The following HS6ST1 variants were observed in gnomAD, a reference collection of about 807,000 sequenced individuals.
The protein encoded by HS6ST1 is heparan sulfate 6-O-sulfotransferase 1.
Under a neutral mutation model 25.2 loss-of-function variants are expected in HS6ST1, and 3 were observed. The ratio of observed to expected loss-of-function variants is 0.12; its 90% confidence interval spans 0.05 to 0.31. HS6ST1 has a LOEUF of 0.31. HS6ST1 is among the 10% of genes least tolerant of loss of function. The pLI is 1.00. For missense variants in HS6ST1, 310 were observed against 609.6 expected (o/e 0.51, Z 5.18); for synonymous variants, 204 against 275.1 (o/e 0.74, Z 2.56).
At chr2:128,290,180 T>C (rs1693930930) in intron 1 of HS6ST1, 3 of 152,172 alleles carry the variant, frequency 2.0e-5, no homozygotes, top group East Asian at 1.9e-4. Flanking sequence ...TTTACTACCA[T>C]TTCAACGACT....
At chr2:128,293,670 G>A (rs562999117) in intron 1 of HS6ST1, among the ~76,000 whole-genome samples, 1 of 152,314 alleles carries the variant, frequency 6.6e-6, no homozygotes, top group Admixed American at 6.5e-5. Context: ...ATTCTTTGGG[G>A]CCCACGGGGA....
chr2:128,280,560 C>G (rs1413275195), intron 1 of HS6ST1, among the ~76,000 whole-genome samples: 6 of 152,234 alleles, frequency 3.9e-5, no homozygotes, highest in Non-Finnish European at 8.8e-5. Context: ...CCCCTCCCCT[C>G]TGCCTGCAGA....
intron 1 of HS6ST1, among the ~76,000 whole-genome samples, chr2:128,271,654 A>C (rs1693611219): frequency 6.6e-6 from 1 of 151,458 alleles, no homozygotes; most frequent in African/African-American, 2.4e-5. Context: ...GGCAGGACAG[A>C]CTCTACCTGC....
intron 1 of HS6ST1, among the ~76,000 whole-genome samples, chr2:128,301,907 C>T (rs994622772): frequency 3.9e-5 from 6 of 152,188 alleles, no homozygotes; most frequent in Non-Finnish European, 7.4e-5. Context: ...CCATGCTGGC[C>T]GGTGTCTCCC....
intron 1 of HS6ST1, among the ~76,000 whole-genome samples, chr2:128,269,150 G>C (rs1460732525): frequency 6.6e-6 from 1 of 152,206 alleles, no homozygotes; most frequent in African/African-American, 2.4e-5. Flanking sequence ...CTGGTGGGTG[G>C]AGCCACCAAT....
chr2:128,295,941 A>G (rs1400981184), intron 1 of HS6ST1, among the ~76,000 whole-genome samples: 4 of 152,192 alleles, frequency 2.6e-5, no homozygotes, highest in African/African-American at 4.8e-5. Flanking sequence ...CTAATCTCCA[A>G]CGTGATGGCA....
At chr2:128,305,154 C>T (rs1573707320) in intron 1 of HS6ST1, among the ~76,000 whole-genome samples, 1 of 152,246 alleles carries the variant, frequency 6.6e-6, no homozygotes. Context: ...GGGTTTGCTC[C>T]TGTCCTGGAA....
At chr2:128,305,566 C>T (rs1240627790) in intron 1 of HS6ST1, among the ~76,000 whole-genome samples, 1 of 152,216 alleles carries the variant, frequency 6.6e-6, no homozygotes, top group Non-Finnish European at 1.5e-5. Context: ...GGGTTGGAGC[C>T]CGGCTGGCTG....
chr2:128,273,244 C>T (rs1312683677), intron 1 of HS6ST1, among the ~76,000 whole-genome samples: 13 of 152,214 alleles, frequency 8.5e-5, no homozygotes, highest in South Asian at 2.1e-4. Flanking sequence ...CAATGGCTTA[C>T]GCTGTCCCCA....
intron 1 of HS6ST1, among the ~76,000 whole-genome samples, chr2:128,316,615 G>A (rs1179878167): frequency 6.6e-6 from 1 of 152,202 alleles, no homozygotes; most frequent in African/African-American, 2.4e-5. Flanking sequence ...GCCCTAGACA[G>A]GCAGCTCTGT....
intron 1 of HS6ST1, among the ~76,000 whole-genome samples, chr2:128,271,231 C>T (rs998378201): frequency 3.3e-5 from 5 of 152,238 alleles, no homozygotes; most frequent in Admixed American, 2.6e-4. Context: ...GGCTTGGCAC[C>T]CTGCAGATGG....
intron 1 of HS6ST1, among the ~76,000 whole-genome samples, chr2:128,311,573 G>C (rs1400392736): frequency 6.6e-6 from 1 of 152,192 alleles, no homozygotes; most frequent in African/African-American, 2.4e-5. Flanking sequence ...TGATGCTTGA[G>C]GTCTGACCTA....
chr2:128,297,577 T>TA (rs1302538951), intron 1 of HS6ST1, among the ~76,000 whole-genome samples: 5 of 152,128 alleles, frequency 3.3e-5, no homozygotes, highest in Non-Finnish European at 7.4e-5. Context: ...CCTATAATTC[T>TA]AGCACTTTGG....
chr2:128,306,938 C>T (rs150539902), intron 1 of HS6ST1, among the ~76,000 whole-genome samples: 2,263 of 151,934 alleles, frequency 0.015, 18 homozygotes, highest in Non-Finnish European at 0.022. Flanking sequence ...AGGCACAGGG[C>T]GTGGACATTC....
intron 1 of HS6ST1, among the ~76,000 whole-genome samples, chr2:128,295,940 A>G (rs1694034371): frequency 6.6e-6 from 1 of 152,226 alleles, no homozygotes; most frequent in Non-Finnish European, 1.5e-5. Flanking sequence ...CCTAATCTCC[A>G]ACGTGATGGC....
At chr2:128,290,366 T>TA (rs1201573014) in intron 1 of HS6ST1, among the ~76,000 whole-genome samples, 10 of 152,092 alleles carry the variant, frequency 6.6e-5, no homozygotes, top group Non-Finnish European at 1.5e-5. Flanking sequence ...ATAATCCTAA[T>TA]ACCGAAGTTG....
intron 1 of HS6ST1, among the ~76,000 whole-genome samples, chr2:128,270,361 T>C (rs1693592561): frequency 6.6e-6 from 1 of 152,152 alleles, no homozygotes; most frequent in African/African-American, 2.4e-5. Flanking sequence ...GGCCTCAGTT[T>C]CCCTGCTCCA....
intron 1 of HS6ST1, among the ~76,000 whole-genome samples, chr2:128,288,126 C>T (rs1167488957): frequency 6.6e-6 from 1 of 152,216 alleles, no homozygotes; most frequent in Non-Finnish European, 1.5e-5. Flanking sequence ...ATGGCCTCCT[C>T]TTGTCCTGGC....
chr2:128,274,459 G>A (rs931395244), intron 1 of HS6ST1, among the ~76,000 whole-genome samples: 2 of 152,184 alleles, frequency 1.3e-5, no homozygotes, highest in Non-Finnish European at 2.9e-5. Flanking sequence ...GTAGAGATGT[G>A]TTCAGACATA....
Sources: allele counts gnomAD v4.1 joint callset (sites outside exome capture counted in the v4.1 genomes callset), GRCh38; gene constraint gnomAD v4.1.1; transcripts MANE v1.5; gene names NCBI Gene and HGNC (gene_info 2026-07-23, HGNC 2026-07-21).